Variants in TACC2 observed in about 807,000 individuals in gnomAD.
TACC2 encodes the protein transforming acidic coiled-coil-containing protein 2.
A neutral mutation model predicts 227.3 loss-of-function variants in TACC2; 137 were observed. The ratio of observed to expected loss-of-function variants is 0.60; its 90% CI spans 0.52 to 0.69. The LOEUF is 0.69. TACC2 is among the 30% of genes least tolerant of loss of function. The pLI, the probability that TACC2 is intolerant of heterozygous loss-of-function variation, is 0.00. For missense variants in TACC2, 3,470 were observed against 3,694.4 expected (o/e 0.94, Z 1.57); for synonymous variants, 1,523 against 1,487.5 (o/e 1.02, Z -0.55).
chr10:122,050,543 G>A lies in TACC2; in HGVS notation c.139G>A (p.Ala47Thr), dbSNP rs780126824. Residue 47 changes from alanine (A) to threonine (T), a missense_variant, in exon 3 of 23, where the codon GCG (alanine) becomes ACG (threonine). Physicochemically the swap from Ala to Thr is moderately conservative, Grantham distance 58 (BLOSUM62 0). Around this residue, in one of 10 missense-constraint regions of TACC2, gnomAD observed 405 missense variants for 389.6 expected, o/e 1.04. Coordinates refer to ENST00000369005, the MANE Select transcript of TACC2 (RefSeq NM_206862.4). This position sits in a 1 kb window ranked among gnomAD's most constrained non-coding sequence, Gnocchi z 4.6. ...GCCCGGAAGCCCTGACCACAGAGAC[G>A]CGTCCAGGTAGGAGGCCAGCTCTGG... ...DTPGSPDHRD[A>T]SSIGSVGLGG... 3.7e-6 allele frequency: 6 copies of A among 1,613,540 alleles called. No homozygotes were observed. The highest frequency in any genetic ancestry group is 5.1e-6 in the Non-Finnish European group (6 of 1,179,762).
At chr10:122,203,948 G>A (rs569143969) in intron 8 of TACC2, among the ~76,000 whole-genome samples, 13 of 151,952 alleles carry the variant, frequency 8.6e-5, no homozygotes, top group Non-Finnish European at 1.3e-4. Context: ...TCGCGGTTAG[G>A]GGCTGGAGAC....
intron 19 of TACC2, chr10:122,244,977 T>C (rs572930295): frequency 1.5e-4 from 23 of 152,350 alleles, no homozygotes; most frequent in African/African-American, 5.3e-4. Context: ...TGCAATTGAT[T>C]TTTTTCTGCT....
At chr10:122,036,093 G>A (rs994911546) in intron 2 of TACC2, among the ~76,000 whole-genome samples, 1 of 152,142 alleles carries the variant, frequency 6.6e-6, no homozygotes, top group African/African-American at 2.4e-5. Flanking sequence ...AAAGCGTAAT[G>A]CCCTCAAGGT....
intron 1 of TACC2, among the ~76,000 whole-genome samples, chr10:122,013,675 C>T (rs751831254): frequency 1.3e-5 from 2 of 152,202 alleles, no homozygotes; most frequent in East Asian, 1.9e-4. Context: ...ACACAGAACC[C>T]GACTGCCCGA....
At chr10:122,184,663 T>C (rs1266198587) in intron 7 of TACC2, among the ~76,000 whole-genome samples, 2 of 152,248 alleles carry the variant, frequency 1.3e-5, no homozygotes, top group Non-Finnish European at 2.9e-5. Flanking sequence ...AGCACCTATG[T>C]GTTGCTTTTA....
intron 5 of TACC2, among the ~76,000 whole-genome samples, chr10:122,107,675 CAT>C (rs141722535): frequency 0.14 from 21,231 of 147,948 alleles, 1,796 homozygotes; most frequent in East Asian, 0.42. Flanking sequence ...TTTTTTAAAA[CAT>C]ATATATATAT....
At chr10:122,171,277 A>T (rs1317580853) in intron 7 of TACC2, among the ~76,000 whole-genome samples, 1 of 150,710 alleles carries the variant, frequency 6.6e-6, no homozygotes, top group Non-Finnish European at 1.5e-5. Context: ...ATGGAAGTGG[A>T]TGGATGCAGC....
intron 9 of TACC2, chr10:122,213,322 TC>T (rs1441422845): frequency 4.3e-6 from 7 of 1,610,168 alleles, no homozygotes; most frequent in Non-Finnish European, 5.9e-6. Flanking sequence ...TCTCTCTTTT[TC>T]TTTGTCTTCT....
At chr10:122,062,387 A>G (rs746528541) in intron 3 of TACC2, among the ~76,000 whole-genome samples, 1 of 148,200 alleles carries the variant, frequency 6.7e-6, no homozygotes, top group Non-Finnish European at 1.5e-5. Context: ...GCTAACCACA[A>G]CCTCCACCTC....
chr10:122,237,581 T>A, intron 17 of TACC2, 43 bp downstream of exon 17: 1 of 1,585,748 alleles, frequency 6.3e-7, no homozygotes, highest in Non-Finnish European at 8.6e-7. Context: ...CTGCCACTTA[T>A]AAATACGTAT....
rs1461588217 is a variant in TACC2, at chr10:122,202,047, T to C, written c.5971+6871T>C. Among the ~76,000 whole-genome samples the C allele has an allele frequency of 6.2e-5, 9 of 145,514 alleles. No individual in the cohort carries two copies. The Admixed American group carries it at 6.2e-4, about 10-fold the overall frequency. On this transcript the variant is annotated intron_variant, in intron 8 of 22. Coordinates refer to ENST00000369005, the MANE Select transcript of TACC2 (RefSeq NM_206862.4). ...TTTTTTTTTTTTAATTCATAATCAG[T>C]GTTTTTATTATTTTCGATGATGGCT...
intron 16 of TACC2, among the ~76,000 whole-genome samples, chr10:122,232,766 A>G (rs181061003): frequency 1.3e-3 from 198 of 152,252 alleles, no homozygotes; most frequent in Non-Finnish European, 2.2e-3. Context: ...TTTCTTTTTC[A>G]TATAGAAAGA....
chr10:122,017,234 G>C (rs906477092), intron 1 of TACC2, among the ~76,000 whole-genome samples: 1 of 152,142 alleles, frequency 6.6e-6, no homozygotes, highest in African/African-American at 2.4e-5. Context: ...TTTCTGGAGG[G>C]TGGTTTCTGG....
Position 122,196,945 on chromosome 10 carries a change from A to AC in TACC2, c.5971+1769_5971+1770insC, listed in dbSNP as rs563666568. Among the ~76,000 whole-genome samples the AC allele has an allele frequency of 3.6e-4, 54 of 150,002 alleles. 1 individual carries two copies. Among genetic ancestry groups the AC allele is most frequent in the Admixed American group, 1.1e-3 (17 of 15,022 alleles). On this transcript the variant is annotated intron_variant, in intron 8 of 22. Transcript: ENST00000369005. ...AGCGAGTCCGTCTCAAAAAAAAAAA[A>AC]AAAAAACAAAAAAACAAAGAATAAA... is the stretch of plus-strand genomic sequence containing the variant.
chr10:122,241,875 G>C, intron 18 of TACC2, 83 bp from the exon 19 acceptor site: 7 of 1,316,508 alleles, frequency 5.3e-6, no homozygotes, highest in Non-Finnish European at 7.7e-6. Flanking sequence ...TGCTGGACAT[G>C]GGTCAGGCTG....
At chr10:122,028,874 TTCCCTTCCCTCC>T (rs1958505108) in intron 2 of TACC2, among the ~76,000 whole-genome samples, 1 of 46,884 alleles carries the variant, frequency 2.1e-5, no homozygotes, top group Non-Finnish European at 4.1e-5. Context: ...TCCCCTTCCC[TTCCCTTCCCTCC>T]GCTCCCCTCC....
At chr10:122,120,532 C>A (rs2085531385) in intron 5 of TACC2, among the ~76,000 whole-genome samples, 1 of 152,124 alleles carries the variant, frequency 6.6e-6, no homozygotes, top group South Asian at 2.1e-4. Flanking sequence ...GCACGCCACT[C>A]CCTCTTTGTC....
At chr10:122,122,329 G>T (rs7073365) in intron 5 of TACC2, among the ~76,000 whole-genome samples, 101,170 of 151,550 alleles carry the variant, frequency 0.67, 37,367 homozygotes, top group South Asian at 0.82. Flanking sequence ...TACTCCAGCC[G>T]GGGCGACAAG....
At chr10:122,211,945 T>C (rs2095304355) in intron 9 of TACC2, among the ~76,000 whole-genome samples, 1 of 152,224 alleles carries the variant, frequency 6.6e-6, no homozygotes, top group Non-Finnish European at 1.5e-5. Flanking sequence ...GATCTTTTGC[T>C]TTAATAAATC....
Sources: gnomAD v4.1 joint callset for allele counts (sites outside exome capture counted in the v4.1 genomes callset) on GRCh38, gnomAD v4.1.1 for gene constraint, gnomAD v4.1.1 regional missense constraint, Gnocchi (gnomAD v3.1) non-coding constraint, MANE v1.5 for transcripts, NCBI Gene and HGNC (gene_info 2026-07-23, HGNC 2026-07-21) for gene names.